RAB20: variants seen among roughly 807,000 people sequenced by gnomAD.
RAB20 encodes the protein ras-related protein Rab-20.
RAB20 carries 2 observed loss-of-function variants against 3.7 expected under a neutral mutation model. That is an observed-to-expected ratio of 0.54 (90% CI 0.22 to 1.69). The LOEUF (loss-of-function observed/expected upper bound fraction) is 1.69. RAB20 is among the 40% of genes most tolerant of loss of function. The pLI is 0.19. For missense variants in RAB20, 276 were observed against 311.9 expected, an observed-to-expected ratio of 0.88 and a Z score of 0.87; for synonymous variants, 126 against 130.8, an observed-to-expected ratio of 0.96 and a Z score of 0.25.
chr13:110,540,454 A>G (rs1188196669), intron 1 of RAB20, among the ~76,000 whole-genome samples: 1 of 152,134 alleles, frequency 6.6e-6, no homozygotes, highest in Non-Finnish European at 1.5e-5. Context: ...TTAAATCTAA[A>G]CAGGGAGGCC....
chr13:110,558,081 G>A (rs941617363), intron 1 of RAB20, among the ~76,000 whole-genome samples: 15 of 152,262 alleles, frequency 9.9e-5, no homozygotes, highest in East Asian at 5.8e-4. Flanking sequence ...GCCCGGCACC[G>A]GGGAGCCTCA....
At chr13:110,547,022 G>A (rs1293044246) in intron 1 of RAB20, among the ~76,000 whole-genome samples, 1 of 152,158 alleles carries the variant, frequency 6.6e-6, no homozygotes, top group Non-Finnish European at 1.5e-5. Context: ...TTACAGGCGT[G>A]AGTCACCACG....
Position 110,550,893 on chromosome 13 carries a change from A to G in RAB20, c.172+10455T>C, listed in dbSNP as rs879375997. On this transcript the variant is annotated intron_variant, in intron 1 of 1. Transcript: ENST00000267328. ...ACTCAAAAGAAATCAAGAGCTACTA[A>G]AGAAGTTTTTTAGGATACCATATAA... is the stretch of plus-strand genomic sequence containing the variant. Among the ~76,000 whole-genome samples the G allele has an allele frequency of 3.3e-5, 5 of 152,318 alleles. No individual in the cohort carries two copies. The South Asian group carries it at 1.0e-3, about 32-fold the overall frequency.
At chr13:110,535,143 C>T (rs903831525) in intron 1 of RAB20, among the ~76,000 whole-genome samples, 6 of 152,250 alleles carry the variant, frequency 3.9e-5, no homozygotes, top group African/African-American at 1.4e-4. Flanking sequence ...CCAGGAACAT[C>T]TTTTACTGGC....
chr13:110,561,643 CG>C lies in RAB20; in HGVS notation c.-125del, dbSNP rs1885139016. On this transcript the variant is annotated 5_prime_UTR_variant, in exon 1 of 2. Transcript: ENST00000267328. ...GGGACCCGGATTCTCGTGAACGCTC[CG>C]GGACCTTCGCCTCCGGACGCCCGGG... The C allele has an allele frequency of 3.5e-6, 5 of 1,418,414 alleles. No individual in the cohort carries two copies. Among genetic ancestry groups the C allele is most frequent in the Non-Finnish European group, 4.6e-6 (5 of 1,083,808 alleles). 87.9% of individuals were successfully genotyped at this position (1,418,414 alleles called of 1,614,324 possible).
At chr13:110,537,766 G>A (rs937004516) in intron 1 of RAB20, among the ~76,000 whole-genome samples, 4 of 152,066 alleles carry the variant, frequency 2.6e-5, no homozygotes, top group South Asian at 2.1e-4. Context: ...CCTCTTCAGC[G>A]GTTCAGCTCC....
chr13:110,547,445 C>T (rs937680593), intron 1 of RAB20, among the ~76,000 whole-genome samples: 1 of 152,164 alleles, frequency 6.6e-6, no homozygotes, highest in African/African-American at 2.4e-5. Flanking sequence ...TGCAGCAGGA[C>T]TTTTCTAGTT....
Position 110,561,686 on chromosome 13 carries a change from C to A in RAB20, c.-167G>T. 8.4e-7 allele frequency: 1 copy of A among 1,184,488 alleles called. No homozygotes were observed. The highest frequency in any genetic ancestry group is 1.1e-6 in the Non-Finnish European group (1 of 911,942). 73.4% of individuals were successfully genotyped at this position (1,184,488 alleles called of 1,614,324 possible). A position where few individuals can be genotyped will look rare whatever the true frequency, so the allele number is the denominator to read the frequency against. ...ACGCCCGGGAGCTCAAGAGAGGAAG[C>A]GCGTGTGCGCGCCCGGGAAGGAGCT... is the stretch of plus-strand genomic sequence containing the variant. On this transcript the variant is annotated 5_prime_UTR_variant, in exon 1 of 2. Transcript: ENST00000267328.
rs894338599 is a variant in RAB20 at position 110,555,061 on chromosome 13, G to A, written c.172+6287C>T. On this transcript the variant is annotated intron_variant, in intron 1 of 1. Transcript: ENST00000267328. The surrounding 1 kb of genome is among the most constrained non-coding windows in gnomAD (Gnocchi z 4.0). ...GATGCTGCTTCCCAGTCTGTAGGACGGCAACGTTGACGCCTCCCAGGAGGA... is the reference window on the plus strand; with the variant it reads ...GATGCTGCTTCCCAGTCTGTAGGACAGCAACGTTGACGCCTCCCAGGAGGA... Among the ~76,000 whole-genome samples, 3 of 152,132 alleles carry A rather than the reference G, an allele frequency of 2.0e-5. No homozygotes were observed. Among genetic ancestry groups the A allele is most frequent in the Non-Finnish European group, 4.4e-5 (3 of 68,036 alleles).
Position 110,555,096 on chromosome 13 carries a change from A to G in RAB20, c.172+6252T>C, listed in dbSNP as rs1256303208. On this transcript the variant is annotated intron_variant, in intron 1 of 1. Coordinates refer to ENST00000267328, the MANE Select transcript of RAB20 (RefSeq NM_017817.3). The surrounding 1 kb of genome is among the most constrained non-coding windows in gnomAD (Gnocchi z 4.0). ...ACGCCTCCCAGGAGGAGCCTTGTGA[A>G]AAGGATGTAGCCCGGGAGTATGGAG... Among the ~76,000 whole-genome samples the G allele has an allele frequency of 6.6e-6, 1 of 152,136 alleles. No homozygotes were observed. The highest frequency in any genetic ancestry group is 1.5e-5 in the Non-Finnish European group (1 of 68,032).
At chr13:110,559,302 T>C (rs774365657) in intron 1 of RAB20, among the ~76,000 whole-genome samples, 19 of 151,736 alleles carry the variant, frequency 1.3e-4, no homozygotes, top group Non-Finnish European at 2.5e-4. Flanking sequence ...CTGCCTCGGT[T>C]ATGACAATTA....
At chr13:110,541,849 T>A (rs1027281768) in intron 1 of RAB20, among the ~76,000 whole-genome samples, 2 of 130,138 alleles carry the variant, frequency 1.5e-5, no homozygotes, top group Admixed American at 1.5e-4. Flanking sequence ...CACTCTCACA[T>A]ACATGCACGT....
intron 1 of RAB20, among the ~76,000 whole-genome samples, chr13:110,539,386 G>A (rs1884712747): frequency 1.3e-5 from 2 of 152,012 alleles, no homozygotes; most frequent in South Asian, 4.1e-4. Context: ...CCAAACCCCT[G>A]CCCGCGAAAT....
rs1884366339 is a variant in RAB20 at position 110,523,407 on chromosome 13, C to T, written c.*258G>A. 5 of 687,376 alleles carry T rather than the reference C, an allele frequency of 7.3e-6. No homozygotes were observed. The South Asian group carries it at 1.1e-4, about 15-fold the overall frequency. The allele number at this position is 687,376 out of a possible 1,614,324, so 42.6% of individuals were successfully genotyped here. A position where few individuals can be genotyped will look rare whatever the true frequency, so the allele number is the denominator to read the frequency against. ...GTGCCAGGCAGCGGGGCAGAGAGCA[C>T]CAGGGGTCTCGACTCTGCAGATTGG... On this transcript the variant is annotated 3_prime_UTR_variant, in exon 2 of 2. Transcript: ENST00000267328.
intron 1 of RAB20, among the ~76,000 whole-genome samples, chr13:110,538,612 A>G (rs1012822728): frequency 3.0e-5 from 4 of 134,274 alleles, no homozygotes; most frequent in African/African-American, 7.9e-5. Flanking sequence ...AAAAAAAAAA[A>G]AAAAAAGAAA....
At chr13:110,543,992 C>A (rs1884811103) in intron 1 of RAB20, among the ~76,000 whole-genome samples, 2 of 152,056 alleles carry the variant, frequency 1.3e-5, no homozygotes. Context: ...CCAGGCTGGT[C>A]TCAAACTCCT....
chr13:110,534,038 GC>G, intron 1 of RAB20, among the ~76,000 whole-genome samples: 1 of 152,342 alleles, frequency 6.6e-6, no homozygotes, highest in African/African-American at 2.4e-5. Context: ...ATCTGGTCGG[GC>G]CCCGGTGCCC....
intron 1 of RAB20, among the ~76,000 whole-genome samples, chr13:110,533,055 A>G (rs751797346): frequency 3.3e-4 from 50 of 152,336 alleles, no homozygotes; most frequent in Non-Finnish European, 6.8e-4. Flanking sequence ...CTCACAAAAC[A>G]TCGATGTGAC....
At chr13:110,535,810 T>C (rs1884630222) in intron 1 of RAB20, among the ~76,000 whole-genome samples, 1 of 152,224 alleles carries the variant, frequency 6.6e-6, no homozygotes, top group Non-Finnish European at 1.5e-5. Context: ...GCGCAAGGCC[T>C]TCCAACACAG....
Sources: gnomAD v4.1 joint callset for allele counts (sites outside exome capture counted in the v4.1 genomes callset) on GRCh38, gnomAD v4.1.1 for gene constraint, Gnocchi (gnomAD v3.1) non-coding constraint, MANE v1.5 for transcripts, NCBI Gene and HGNC (gene_info 2026-07-23, HGNC 2026-07-21) for gene names.